EXOC3L2: variants seen among roughly 807,000 people sequenced by gnomAD.
The protein encoded by EXOC3L2 is exocyst complex component 3-like protein 2.
EXOC3L2 carries 17 observed loss-of-function variants against 44.4 expected under a neutral mutation model. The ratio of observed to expected loss-of-function variants is 0.38; its 90% CI spans 0.26 to 0.57. EXOC3L2 has a LOEUF of 0.57. Ranked by LOEUF, EXOC3L2 falls within the 20% of genes least tolerant of loss-of-function variation. EXOC3L2 has a pLI of 0.65. For synonymous variants in EXOC3L2, 256 were observed against 253.7 expected (o/e 1.01, Z -0.09); for missense variants, 541 against 588.4 (o/e 0.92, Z 0.83).
chr19:45,225,865 T>G (rs346762), intron 7 of EXOC3L2, among the ~76,000 whole-genome samples: 4 of 151,776 alleles, frequency 2.6e-5, no homozygotes, highest in African/African-American at 9.7e-5. Context: ...TCAAGAGATC[T>G]GCCCACCTTG....
In EXOC3L2 at chr19:45,234,390, C is replaced by T; in HGVS notation, c.960G>A (p.Arg320=). 1 of 328,844 alleles carries T rather than the reference C, an allele frequency of 3.0e-6. No individual in the cohort carries two copies. The highest frequency in any genetic ancestry group is 5.5e-6 in the Non-Finnish European group (1 of 181,096). 20.4% of individuals were successfully genotyped at this position (328,844 alleles called of 1,614,324 possible). The change falls in exon 3 of 12, where the codon CGG becomes CGA. Residue 320 remains arginine, a synonymous_variant. Transcript: ENST00000413988. This position sits in a 1 kb window ranked among gnomAD's most constrained non-coding sequence, Gnocchi z 5.0. The part of the protein sequence containing the change: ...GGLAGQLEAL[R]ARLLEDMAVV... ...CGGCCATATCCTCCAGCAGCCGCGC[C>T]CGCAGCGCCTCCAGCTGCCCGGCCA... is the stretch of plus-strand genomic sequence containing the variant.
intron 1 of EXOC3L2, among the ~76,000 whole-genome samples, chr19:45,241,320 T>C (rs568370220): frequency 1.3e-5 from 2 of 150,854 alleles, no homozygotes; most frequent in South Asian, 4.2e-4. Context: ...CTACTAAAAA[T>C]ACAAAAAATT....
chr19:45,233,035 G>A (rs934747109), intron 3 of EXOC3L2, among the ~76,000 whole-genome samples: 2 of 152,118 alleles, frequency 1.3e-5, no homozygotes, highest in African/African-American at 4.8e-5. Context: ...GGCCAACATG[G>A]TGAAACCCCG....
intron 8 of EXOC3L2, among the ~76,000 whole-genome samples, 199 bp downstream of exon 8, chr19:45,224,579 T>A (rs1969934250): frequency 6.6e-6 from 1 of 152,116 alleles, no homozygotes; most frequent in Non-Finnish European, 1.5e-5. Flanking sequence ...CCCCTCCTGC[T>A]GATGGCCCTC....
intron 3 of EXOC3L2, among the ~76,000 whole-genome samples, chr19:45,233,148 G>A (rs1055747494): frequency 7.9e-5 from 12 of 152,228 alleles, no homozygotes; most frequent in South Asian, 2.1e-4. Context: ...CCCGGGAGGC[G>A]GAGGTTGCAG....
intron 9 of EXOC3L2, 39 bp from the exon 10 acceptor site, chr19:45,217,722 T>G: frequency 7.2e-7 from 1 of 1,385,694 alleles, no homozygotes; most frequent in African/African-American, 1.5e-5. Context: ...GTGTGAGCCA[T>G]GCCCCACGGA....
At chr19:45,224,161 A>G (rs1969929014) in intron 8 of EXOC3L2, among the ~76,000 whole-genome samples, 1 of 121,632 alleles carries the variant, frequency 8.2e-6, no homozygotes, top group African/African-American at 3.3e-5. Context: ...TTAGTGGGAG[A>G]GCCAGGAGTG....
In EXOC3L2 at chr19:45,216,197, G is replaced by A. The variant is rs1446931965; in HGVS notation, c.1999-3C>T. 5 of 1,613,520 alleles carry A rather than the reference G, an allele frequency of 3.1e-6. No homozygotes were observed. Among genetic ancestry groups the A allele is most frequent in the Non-Finnish European group, 4.2e-6 (5 of 1,179,906 alleles). On this transcript the variant is annotated splice_region_variant and splice_polypyrimidine_tract_variant and intron_variant, in intron 10 of 11. Coordinates refer to ENST00000413988, the MANE Select transcript of EXOC3L2 (RefSeq NM_001382422.1). ...TCCAGCCACGAGGCCTGGGACTCCT[G>A]CAGGGGAGGGAGGGTGCGGGGTCAC...
intron 6 of EXOC3L2, 91 bp downstream of exon 6, chr19:45,227,883 G>T: frequency 6.6e-7 from 1 of 1,507,416 alleles, no homozygotes. Flanking sequence ...GTCCTCAGGT[G>T]ACTCCCTCTC....
intron 3 of EXOC3L2, among the ~76,000 whole-genome samples, chr19:45,232,451 T>C (rs1040498883): frequency 3.9e-5 from 6 of 152,220 alleles, no homozygotes; most frequent in African/African-American, 9.6e-5. Flanking sequence ...GAGAGCATTA[T>C]TGACATACAT....
intron 8 of EXOC3L2, among the ~76,000 whole-genome samples, chr19:45,221,885 A>G (rs2122964080): frequency 6.6e-6 from 1 of 151,316 alleles, no homozygotes; most frequent in Admixed American, 6.6e-5. Context: ...CCTGGGCTCA[A>G]TCGATCCTCC....
At chr19:45,214,028 A>G (rs1969807572) in intron 11 of EXOC3L2, among the ~76,000 whole-genome samples, 1 of 151,948 alleles carries the variant, frequency 6.6e-6, no homozygotes, top group African/African-American at 2.4e-5. Flanking sequence ...CCTAATCTCA[A>G]GCTCAACCCC....
At chr19:45,242,263 T>C (rs377538572) in intron 1 of EXOC3L2, among the ~76,000 whole-genome samples, 3 of 152,290 alleles carry the variant, frequency 2.0e-5, no homozygotes, top group East Asian at 1.9e-4. Flanking sequence ...TTCAGGTTTT[T>C]GTTGTTGCTT....
chr19:45,232,351 T>C (rs1461415468), intron 3 of EXOC3L2, among the ~76,000 whole-genome samples: 1 of 152,138 alleles, frequency 6.6e-6, no homozygotes, highest in Non-Finnish European at 1.5e-5. Flanking sequence ...ATAAACACCA[T>C]TGCCCTACAA....
intron 2 of EXOC3L2, among the ~76,000 whole-genome samples, chr19:45,237,786 G>A (rs542983485): frequency 6.6e-6 from 1 of 152,296 alleles, no homozygotes; most frequent in East Asian, 1.9e-4. Flanking sequence ...TCTTTACAGA[G>A]GCAATCAAAT....
At chr19:45,218,356 C>T (rs747948729) in intron 8 of EXOC3L2, 37 bp from the exon 9 acceptor site, 2 of 1,506,422 alleles carry the variant, frequency 1.3e-6, no homozygotes, top group Non-Finnish European at 1.8e-6. Flanking sequence ...GCTCTCCTCC[C>T]TCCCACCCTC....
At chr19:45,226,747 C>CTTCTTTTTTTTTTTTTTTTTTTT (rs1969965305) in intron 7 of EXOC3L2, among the ~76,000 whole-genome samples, 1 of 90,670 alleles carries the variant, frequency 1.1e-5, no homozygotes, top group African/African-American at 6.1e-5. Flanking sequence ...ACTCCCATCT[C>CTTCTTTTTTTTTTTTTTTTTTTT]TTTTTTTTTT....
intron 4 of EXOC3L2, 51 bp from the exon 5 acceptor site, chr19:45,228,317 CT>C (rs754822614): frequency 7.4e-4 from 1,103 of 1,495,438 alleles, no homozygotes; most frequent in Admixed American, 9.9e-4. Flanking sequence ...GCCTGGAGGT[CT>C]TTTTTTTTAT....
In EXOC3L2 at chr19:45,231,757, A is replaced by G. The variant is rs2122981905; in HGVS notation, c.1269+6T>C. The G allele has an allele frequency of 6.2e-7, 1 of 1,600,512 alleles. No individual in the cohort carries two copies. The highest frequency in any genetic ancestry group is 8.6e-7 in the Non-Finnish European group (1 of 1,169,260). On this transcript the variant is annotated splice_donor_region_variant and intron_variant, in intron 4 of 11. Coordinates refer to ENST00000413988, the MANE Select transcript of EXOC3L2 (RefSeq NM_001382422.1). ...TCCTGCTTCCAAAATGCAAAGTTCC[A>G]GGTACCTTAACATCTGTGACGCATT...
Sources: allele counts gnomAD v4.1 joint callset (sites outside exome capture counted in the v4.1 genomes callset), GRCh38; gene constraint gnomAD v4.1.1; non-coding constraint Gnocchi (gnomAD v3.1); transcripts MANE v1.5; gene names NCBI Gene and HGNC (gene_info 2026-07-23, HGNC 2026-07-21).